Variants in KDM4C observed in about 807,000 individuals in gnomAD.
KDM4C encodes lysine demethylase 4C, also known as lysine-specific demethylase 4C.
Under a neutral mutation model 129.3 loss-of-function variants are expected in KDM4C, and 81 were observed. The observed-to-expected ratio is 0.63, with a 90% CI of 0.52 to 0.75. The LOEUF (loss-of-function observed/expected upper bound fraction) is 0.75, where lower values mean the gene tolerates loss of function less well. Among genes scored for constraint, KDM4C ranks in the 30% least tolerant of loss-of-function variants. The probability of loss-of-function intolerance (pLI) is 0.00; values close to 1 mark genes in which losing one functional copy is unlikely to be tolerated. For missense variants in KDM4C, 1,457 were observed against 1,304.0 expected (o/e 1.12, Z -1.81); for synonymous variants, 573 against 456.1 (o/e 1.26, Z -3.26).
chr9:6,971,450 G>C (rs1032190752), intron 8 of KDM4C, among the ~76,000 whole-genome samples: 2 of 152,142 alleles, frequency 1.3e-5, no homozygotes, highest in Non-Finnish European at 2.9e-5. Context: ...AATCTCTGTA[G>C]AGTAAAAATA....
At chr9:7,154,860 A>T (rs879435679) in intron 19 of KDM4C, among the ~76,000 whole-genome samples, 4 of 152,192 alleles carry the variant, frequency 2.6e-5, no homozygotes, top group Non-Finnish European at 5.9e-5. Flanking sequence ...GCGAGTTTAC[A>T]CATCCCTAGA....
At chr9:6,752,196 G>A (rs575909313) in intron 1 of KDM4C, among the ~76,000 whole-genome samples, 4 of 150,548 alleles carry the variant, frequency 2.7e-5, no homozygotes, top group Non-Finnish European at 5.9e-5. Flanking sequence ...AGCCGGGCAT[G>A]GTGGCGCGCG....
chr9:7,074,647 C>G (rs1319933661), intron 17 of KDM4C, among the ~76,000 whole-genome samples: 1 of 152,038 alleles, frequency 6.6e-6, no homozygotes, highest in African/African-American at 2.4e-5. Context: ...TGCAATATTC[C>G]AGGCATCTTA....
intron 1 of KDM4C, among the ~76,000 whole-genome samples, chr9:6,751,310 G>C (rs1181737684): frequency 6.6e-6 from 1 of 152,140 alleles, no homozygotes; most frequent in African/African-American, 2.4e-5. Flanking sequence ...GCCAGGCATG[G>C]TGGTGCACAC....
At chr9:6,996,216 G>T (rs568731094) in intron 12 of KDM4C, among the ~76,000 whole-genome samples, 1 of 152,266 alleles carries the variant, frequency 6.6e-6, no homozygotes, top group South Asian at 2.1e-4. Flanking sequence ...CTTCTCACTA[G>T]CATTCTTATC....
rs549657948 is a variant in KDM4C at position 6,986,732 on chromosome 9, T to C, written c.1677+66T>C. 2.6e-6 allele frequency: 3 copies of C among 1,146,760 alleles called. No homozygotes were observed. The East Asian group carries it at 7.7e-5, about 29-fold the overall frequency. 71.0% of individuals were successfully genotyped at this position (1,146,760 alleles called of 1,614,324 possible). The stretch of plus-strand genomic sequence containing the variant: ...GTGAGAGCACATTTTGAAAACAACA[T>C]GCTGTGCACTGAAATCCTCCTTTAG... On this transcript the variant is annotated intron_variant, in intron 11 of 21. Coordinates refer to ENST00000381309, the MANE Select transcript of KDM4C (RefSeq NM_015061.6).
chr9:7,136,925 G>C (rs1376826593), intron 19 of KDM4C, among the ~76,000 whole-genome samples: 1 of 152,118 alleles, frequency 6.6e-6, no homozygotes, highest in Non-Finnish European at 1.5e-5. Flanking sequence ...TTTTTCCTCA[G>C]AGCTCTAGCA....
intron 9 of KDM4C, among the ~76,000 whole-genome samples, chr9:6,983,572 T>TCACACACACACACACA (rs1817139031): frequency 2.5e-5 from 1 of 40,382 alleles, no homozygotes; most frequent in Non-Finnish European, 4.6e-5. Context: ...AGTGTCTTTA[T>TCACACACACACACACA]GACACACACA....
intron 8 of KDM4C, among the ~76,000 whole-genome samples, chr9:6,971,861 C>T (rs1172765543): frequency 6.6e-6 from 1 of 152,068 alleles, no homozygotes; most frequent in Non-Finnish European, 1.5e-5. Context: ...AGTCAACATT[C>T]GATTTTAATT....
Position 7,007,437 on chromosome 9 carries a change from T to C in KDM4C, c.1787-4261T>C, listed in dbSNP as rs1379809129. Among the ~76,000 whole-genome samples the C allele has an allele frequency of 6.6e-5, 10 of 152,366 alleles. No individual in the cohort carries two copies. The East Asian group carries it at 1.7e-3, about 26-fold the overall frequency. ...CAATTTCTGGCAAACCTTGCAGACA[T>C]TCTTGAAAGAACCTAGGGAGAAAAG... On this transcript the variant is annotated intron_variant, in intron 12 of 21. Coordinates refer to ENST00000381309, the MANE Select transcript of KDM4C (RefSeq NM_015061.6).
At chr9:7,106,001 G>A (rs983014400) in intron 18 of KDM4C, among the ~76,000 whole-genome samples, 7 of 152,128 alleles carry the variant, frequency 4.6e-5, no homozygotes, top group Non-Finnish European at 4.4e-5. Flanking sequence ...TTTTCCTGAT[G>A]AGGGAACAAT....
intron 1 of KDM4C, chr9:6,748,848 C>G (rs1175259408): frequency 5.5e-6 from 6 of 1,096,518 alleles, no homozygotes; most frequent in South Asian, 1.2e-5. Flanking sequence ...AATGATACAG[C>G]CTTCTATCTG....
At chr9:6,750,219 T>C (rs1041139489) in intron 1 of KDM4C, among the ~76,000 whole-genome samples, 1 of 151,576 alleles carries the variant, frequency 6.6e-6, no homozygotes, top group Non-Finnish European at 1.5e-5. Context: ...GGTGGGCGGA[T>C]CACGAAGTCA....
intron 5 of KDM4C, among the ~76,000 whole-genome samples, chr9:6,877,345 C>T (rs1260344164): frequency 3.3e-5 from 5 of 152,144 alleles, no homozygotes; most frequent in Admixed American, 6.5e-5. Context: ...AGACTACAGG[C>T]GCCCGCCACC....
At chr9:6,846,055 G>A (rs1408877023) in intron 4 of KDM4C, among the ~76,000 whole-genome samples, 3 of 152,202 alleles carry the variant, frequency 2.0e-5, no homozygotes, top group Non-Finnish European at 4.4e-5. Context: ...AAGCCTTGCT[G>A]GTATTTGTGT....
At chr9:7,024,573 A>T (rs1413569827) in intron 15 of KDM4C, among the ~76,000 whole-genome samples, 1 of 151,034 alleles carries the variant, frequency 6.6e-6, no homozygotes, top group Non-Finnish European at 1.5e-5. Context: ...TGTGAGTGAG[A>T]ACATGTGGTG....
At chr9:7,092,219 A>G (rs1835890722) in intron 17 of KDM4C, among the ~76,000 whole-genome samples, 1 of 152,094 alleles carries the variant, frequency 6.6e-6, no homozygotes, top group African/African-American at 2.4e-5. Context: ...TTATTCCATT[A>G]ATCACCACAG....
intron 2 of KDM4C, among the ~76,000 whole-genome samples, chr9:6,801,976 G>A (rs1295610577): frequency 6.6e-6 from 1 of 151,876 alleles, no homozygotes; most frequent in East Asian, 1.9e-4. Flanking sequence ...ATGGTGGCAG[G>A]CACCTGTAAT....
intron 5 of KDM4C, among the ~76,000 whole-genome samples, chr9:6,873,606 T>C (rs1451367824): frequency 2.6e-5 from 4 of 152,240 alleles, no homozygotes; most frequent in African/African-American, 4.8e-5. Flanking sequence ...CTTCATAGAA[T>C]TGAAGAGAAT....
Sources: allele counts gnomAD v4.1 joint callset (sites outside exome capture counted in the v4.1 genomes callset), GRCh38; gene constraint gnomAD v4.1.1; transcripts MANE v1.5; gene names NCBI Gene and HGNC (gene_info 2026-07-23, HGNC 2026-07-21).